The following MAOB variants were observed in gnomAD, a reference collection of about 807,000 sequenced individuals.
The protein encoded by MAOB is amine oxidase [flavin-containing] B.
A neutral mutation model predicts 41.9 loss-of-function variants in MAOB; 15 were observed. The observed-to-expected ratio is 0.36, with a 90% confidence interval of 0.24 to 0.55. The LOEUF (loss-of-function observed/expected upper bound fraction) is 0.55. MAOB is among the 20% of genes least tolerant of loss of function. The pLI is 0.86. For missense variants in MAOB, 345 were observed against 398.7 expected, an observed-to-expected ratio of 0.87 and a Z score of 1.15; for synonymous variants, 167 against 144.2, an observed-to-expected ratio of 1.16 and a Z score of -1.13.
intron 2 of MAOB, among the ~76,000 whole-genome samples, chrX:43,841,057 A>C (rs1261369867): frequency 9.0e-6 from 1 of 111,397 alleles, no homozygotes; most frequent in Non-Finnish European, 1.9e-5. Context: ...AATTTAAAAA[A>C]AAGAATGAGT....
chrX:43,788,330 C>T (rs893526678), intron 8 of MAOB, among the ~76,000 whole-genome samples: 1 of 111,405 alleles, frequency 9.0e-6, no homozygotes, highest in African/African-American at 3.3e-5. Flanking sequence ...TTAGGCCCCA[C>T]CTCCAACACT....
intron 3 of MAOB, 138 bp downstream of exon 3, chrX:43,838,730 A>T: frequency 3.5e-6 from 2 of 573,126 alleles, no homozygotes; most frequent in Non-Finnish European, 2.5e-6. Context: ...TGAATCTCAG[A>T]GTGGCTGAAA....
intron 6 of MAOB, among the ~76,000 whole-genome samples, chrX:43,796,747 T>G (rs1313896517): frequency 8.9e-6 from 1 of 111,850 alleles, no homozygotes; most frequent in East Asian, 2.8e-4. Context: ...AATAGATAAA[T>G]GAATTCCATG....
chrX:43,857,116 T>TATATAGAGAG (rs2035299097), intron 1 of MAOB, among the ~76,000 whole-genome samples: 1 of 11,351 alleles, frequency 8.8e-5, no homozygotes, highest in Admixed American at 1.8e-3. Flanking sequence ...TATATATATA[T>TATATAGAGAG]AGAGAGAGAG....
intron 3 of MAOB, among the ~76,000 whole-genome samples, chrX:43,813,624 G>A (rs188242729): frequency 3.9e-3 from 437 of 112,018 alleles, no homozygotes; most frequent in Non-Finnish European, 5.2e-3. Flanking sequence ...TCAATGACCA[G>A]CCAGATCATT....
intron 13 of MAOB, 27 bp from the exon 14 acceptor site, chrX:43,768,743 T>G: frequency 2.7e-6 from 3 of 1,131,785 alleles, no homozygotes; most frequent in Non-Finnish European, 2.4e-6. Flanking sequence ...CACTGGCAAA[T>G]AGCAAAAGTG....
At chrX:43,794,378 T>C (rs1419442973) in intron 7 of MAOB, among the ~76,000 whole-genome samples, 1 of 110,775 alleles carries the variant, frequency 9.0e-6, no homozygotes, top group African/African-American at 3.3e-5. Flanking sequence ...AATTCTCCCA[T>C]CTCACTTTCT....
intron 13 of MAOB, 132 bp downstream of exon 13, chrX:43,769,175 T>TA: frequency 1.0e-6 from 1 of 974,552 alleles, no homozygotes; most frequent in South Asian, 3.7e-5. Flanking sequence ...AGACAATAGT[T>TA]AAAATAGTAT....
chrX:43,774,508 C>T (rs1294387252), intron 12 of MAOB, among the ~76,000 whole-genome samples: 1 of 111,737 alleles, frequency 8.9e-6, no homozygotes, highest in Non-Finnish European at 1.9e-5. Flanking sequence ...CTGATTATTG[C>T]TCACTTTTCA....
At chrX:43,833,075 C>CT (rs1053452118) in intron 3 of MAOB, among the ~76,000 whole-genome samples, 2 of 111,303 alleles carry the variant, frequency 1.8e-5, no homozygotes, top group Non-Finnish European at 3.8e-5. Flanking sequence ...AGAGTGAGCT[C>CT]TTTGCAGTGT....
chrX:43,838,079 T>TA, intron 3 of MAOB: 2 of 283,151 alleles, frequency 7.1e-6, no homozygotes, highest in Non-Finnish European at 1.4e-5. Context: ...CATTCAGTTC[T>TA]AATCTGTTTG....
chrX:43,873,413 A>C, intron 1 of MAOB, among the ~76,000 whole-genome samples: 1 of 110,981 alleles, frequency 9.0e-6, no homozygotes, highest in East Asian at 2.8e-4. Flanking sequence ...GGACATTTTC[A>C]TCATTGTGTA....
Position 43,845,279 on chromosome X carries a change from G to A in MAOB, c.47-1515C>T, listed in dbSNP as rs776242422. Reference sequence around the variant, plus strand: ...TTGCTTTATGAGACCAAATATTAAGGCCATGCCAAGATGCTCTCATGCCTT... The same window carrying A: ...TTGCTTTATGAGACCAAATATTAAGACCATGCCAAGATGCTCTCATGCCTT... On this transcript the variant is annotated intron_variant, in intron 1 of 14. Transcript: ENST00000378069. Among the ~76,000 whole-genome samples, 12 of 111,415 alleles carry A rather than the reference G, an allele frequency of 1.1e-4. No individual in the cohort carries two copies. The Admixed American group carries it at 1.1e-3, about 11-fold the overall frequency.
rs757552267 is a variant in MAOB at position 43,767,549 on chromosome X, T to G, written c.1480A>C (p.Arg494=). The change falls in exon 15 of 15, where the codon AGG becomes CGG. Residue 494 remains arginine (R), a synonymous_variant. Coordinates refer to ENST00000378069, the MANE Select transcript of MAOB (RefSeq NM_000898.5). ...AAGATGGTGGTCAATCCAATCAGCC[T>G]GAGCAGGCCTGGCACGGAGGGCAAA... ...RHLPSVPGLL[R]LIGLTTIFSA... The G allele has an allele frequency of 8.3e-7, 1 of 1,210,537 alleles. No individual in the cohort carries two copies. Among genetic ancestry groups the G allele is most frequent in the Non-Finnish European group, 1.1e-6 (1 of 894,765 alleles).
At chrX:43,798,351 T>A (rs968836734) in intron 5 of MAOB, among the ~76,000 whole-genome samples, 1 of 112,432 alleles carries the variant, frequency 8.9e-6, no homozygotes, top group African/African-American at 3.2e-5. Flanking sequence ...TTAAACAAAA[T>A]TTTTTAAACA....
intron 4 of MAOB, 118 bp from the exon 5 acceptor site, chrX:43,802,381 T>A: frequency 2.0e-6 from 1 of 509,474 alleles, no homozygotes; most frequent in Non-Finnish European, 3.2e-6. Flanking sequence ...AACTCTACCT[T>A]AAAGAGGAAA....
At chrX:43,827,618 G>T (rs2034964764) in intron 3 of MAOB, among the ~76,000 whole-genome samples, 1 of 111,625 alleles carries the variant, frequency 9.0e-6, no homozygotes, top group Non-Finnish European at 1.9e-5. Flanking sequence ...AGTCCTCCCA[G>T]ATTCATAGAG....
chrX:43,874,632 C>T (rs2035429064), intron 1 of MAOB, among the ~76,000 whole-genome samples: 1 of 111,383 alleles, frequency 9.0e-6, no homozygotes, highest in South Asian at 3.8e-4. Flanking sequence ...TCTCCCCTTC[C>T]TTTTATTCTA....
At chrX:43,808,666 CTAT>C (rs1441396754) in intron 3 of MAOB, among the ~76,000 whole-genome samples, 2 of 100,659 alleles carry the variant, frequency 2.0e-5, no homozygotes, top group African/African-American at 7.5e-5. Flanking sequence ...ATATCTATAT[CTAT>C]ATCTATATCT....
Sources: allele counts gnomAD v4.1 joint callset (sites outside exome capture counted in the v4.1 genomes callset), GRCh38; gene constraint gnomAD v4.1.1; transcripts MANE v1.5; gene names NCBI Gene and HGNC (gene_info 2026-07-23, HGNC 2026-07-21).